KDM4B: variants seen among roughly 807,000 people sequenced by gnomAD.
KDM4B encodes lysine-specific demethylase 4B.
In KDM4B, 32 loss-of-function variants were observed where a neutral mutation model predicts 125.2. The observed-to-expected ratio is 0.26, with a 90% CI of 0.19 to 0.34. The LOEUF (loss-of-function observed/expected upper bound fraction) is 0.34. Among genes scored for constraint, KDM4B ranks in the 10% least tolerant of loss-of-function variants. The pLI is 1.00. For missense variants in KDM4B, 1,190 were observed against 1,577.7 expected (o/e 0.75, Z 4.16); for synonymous variants, 721 against 677.9 (o/e 1.06, Z -0.99).
chr19:4,973,697 A>G (rs1019638954), intron 1 of KDM4B, among the ~76,000 whole-genome samples: 94 of 152,046 alleles, frequency 6.2e-4, no homozygotes, highest in African/African-American at 2.1e-3. Flanking sequence ...GGGTCCGTCT[A>G]TTCCCTCCTG....
At chr19:5,112,826 C>G (rs1486340672) in intron 10 of KDM4B, 3 of 152,480 alleles carry the variant, frequency 2.0e-5, no homozygotes, top group Non-Finnish European at 4.4e-5. Flanking sequence ...CTCCTGTGTG[C>G]TCCTCATGAA....
intron 6 of KDM4B, among the ~76,000 whole-genome samples, chr19:5,048,908 G>C (rs955248119): frequency 6.6e-6 from 1 of 152,206 alleles, no homozygotes; most frequent in Non-Finnish European, 1.5e-5. Flanking sequence ...GAAGCAGGGG[G>C]GTCAGGGACA....
chr19:5,039,372 G>A (rs572809961), intron 3 of KDM4B, among the ~76,000 whole-genome samples: 2 of 152,102 alleles, frequency 1.3e-5, no homozygotes, highest in African/African-American at 2.4e-5. Context: ...GGAGGATCAC[G>A]TGAGTCCAGG....
rs1289991392 is a variant in KDM4B, at chr19:5,141,867, G to A, written c.2551-2100G>A. ...GTCTGGGAGGGGCTTGGGATGGGGG[G>A]AGGCGCCTCCAGGGCAGCAGGAGGG... On this transcript the variant is annotated intron_variant, in intron 18 of 22. Coordinates refer to ENST00000159111, the MANE Select transcript of KDM4B (RefSeq NM_015015.3). The surrounding 1 kb of genome is among the most constrained non-coding windows in gnomAD (Gnocchi z 6.4). Among the ~76,000 whole-genome samples the A allele has an allele frequency of 6.6e-6, 1 of 152,168 alleles. No homozygotes were observed. Among genetic ancestry groups the A allele is most frequent in the Non-Finnish European group, 1.5e-5 (1 of 68,028 alleles).
chr19:4,992,280 C>T (rs192328834), intron 1 of KDM4B, among the ~76,000 whole-genome samples: 47 of 152,182 alleles, frequency 3.1e-4, no homozygotes, highest in Non-Finnish European at 5.4e-4. Context: ...TATTTTTGCT[C>T]GTTATCTTTG....
At position 4,971,032 on chromosome 19, in the gene KDM4B, G is replaced by A. The variant is rs972923973; in HGVS notation, c.-109+1802G>A. On this transcript the variant is annotated intron_variant, in intron 1 of 22. Coordinates refer to ENST00000159111, the MANE Select transcript of KDM4B (RefSeq NM_015015.3). This position sits in a 1 kb window ranked among gnomAD's most constrained non-coding sequence, Gnocchi z 4.1. ...ACAGACGGGTGTCTGTGTACAGGCT[G>A]TTTTGGTGGAAGCGTCTACTGTGTC... is the stretch of plus-strand genomic sequence containing the variant. 6.6e-6 allele frequency among the ~76,000 whole-genome samples: 1 copy of A among 152,188 alleles called. No homozygotes were observed. The highest frequency in any genetic ancestry group is 1.5e-5 in the Non-Finnish European group (1 of 68,028).
At chr19:5,087,969 G>A (rs2038560521) in intron 9 of KDM4B, among the ~76,000 whole-genome samples, 2 of 152,186 alleles carry the variant, frequency 1.3e-5, no homozygotes, top group Non-Finnish European at 2.9e-5. Flanking sequence ...TCCTGTGTAG[G>A]AATCTCACGT....
In KDM4B at chr19:5,047,471, C is replaced by T. The variant is rs769372088; in HGVS notation, c.433-5C>T. 1 of 1,598,124 alleles carries T rather than the reference C, an allele frequency of 6.3e-7. No individual in the cohort carries two copies. The highest frequency in any genetic ancestry group is 1.1e-5 in the South Asian group (1 of 89,936). On this transcript the variant is annotated splice_region_variant and splice_polypyrimidine_tract_variant and intron_variant, in intron 5 of 22. Coordinates refer to ENST00000159111, the MANE Select transcript of KDM4B (RefSeq NM_015015.3). ...GGTTGCCGACGCTGCTCTGCCGCCC[C>T]ACAGGACGTGGCCCAGTGGAACATC...
chr19:5,075,992 T>C, intron 7 of KDM4B: 1 of 168,532 alleles, frequency 5.9e-6, no homozygotes, highest in Non-Finnish European at 1.3e-5. Flanking sequence ...TCACCGTCCC[T>C]GGCTGGTCTG....
At chr19:5,138,921 G>A (rs1406280257) in intron 18 of KDM4B, among the ~76,000 whole-genome samples, 1 of 152,118 alleles carries the variant, frequency 6.6e-6, no homozygotes, top group African/African-American at 2.4e-5. Context: ...ATTCTTCTGC[G>A]ACCGGCTTCT....
chr19:5,108,855 G>T (rs929864201), intron 9 of KDM4B, among the ~76,000 whole-genome samples: 3 of 152,116 alleles, frequency 2.0e-5, no homozygotes, highest in Non-Finnish European at 4.4e-5. Context: ...CCCTGGGCCC[G>T]CCTCTCCCCA....
In KDM4B at chr19:5,010,291, A is replaced by G. The variant is rs568538232; in HGVS notation, c.-108-5966A>G. The stretch of plus-strand genomic sequence containing the variant: ...GCTCTGGACTTTTTAGAAGCATACC[A>G]TAGGGCTCATGCTGCTCCTTCCCTG... On this transcript the variant is annotated intron_variant, in intron 1 of 22. Coordinates refer to ENST00000159111, the MANE Select transcript of KDM4B (RefSeq NM_015015.3). 5.3e-5 allele frequency among the ~76,000 whole-genome samples: 8 copies of G among 152,262 alleles called. No individual in the cohort carries two copies. In the East Asian group the frequency reaches 1.4e-3, roughly 26 times the overall value.
chr19:5,088,513 C>T (rs2038579736), intron 9 of KDM4B, among the ~76,000 whole-genome samples: 1 of 152,154 alleles, frequency 6.6e-6, no homozygotes, highest in South Asian at 2.1e-4. Context: ...GGAGGTTGCC[C>T]CTGCCCACAG....
At chr19:5,031,687 T>C (rs2036464822) in intron 2 of KDM4B, among the ~76,000 whole-genome samples, 1 of 152,180 alleles carries the variant, frequency 6.6e-6, no homozygotes, top group Admixed American at 6.5e-5. Flanking sequence ...CGACCTCGGC[T>C]TTGCTTTTGT....
Position 5,142,342 on chromosome 19 carries a change from G to C in KDM4B, c.2551-1625G>C, listed in dbSNP as rs759366116. Among the ~76,000 whole-genome samples, 10 of 152,158 alleles carry C rather than the reference G, an allele frequency of 6.6e-5. No homozygotes were observed. Among genetic ancestry groups the C allele is most frequent in the Admixed American group, 2.0e-4 (3 of 15,282 alleles). On this transcript the variant is annotated intron_variant, in intron 18 of 22. Coordinates refer to ENST00000159111, the MANE Select transcript of KDM4B (RefSeq NM_015015.3). This position sits in a 1 kb window ranked among gnomAD's most constrained non-coding sequence, Gnocchi z 5.4. Reference sequence around the variant, plus strand: ...AGGTGACGGCCAAGAACGCCTGCCCGACCTCCTGTGGCCACAGCGCGTGGC... The same window carrying C: ...AGGTGACGGCCAAGAACGCCTGCCCCACCTCCTGTGGCCACAGCGCGTGGC...
In KDM4B at chr19:5,092,031, C is replaced by T. The variant is rs547460090; in HGVS notation, c.918+9527C>T. Among the ~76,000 whole-genome samples, 42 of 152,312 alleles carry T rather than the reference C, an allele frequency of 2.8e-4. 1 individual carries two copies. The South Asian group carries it at 8.5e-3, about 31-fold the overall frequency. ...GTGGGCTTAGGGGGTGTCACAGTCA[C>T]GCAGAAGCGTGGGGAGAATCTGCAG... is the stretch of plus-strand genomic sequence containing the variant. On this transcript the variant is annotated intron_variant, in intron 9 of 22. Coordinates refer to ENST00000159111, the MANE Select transcript of KDM4B (RefSeq NM_015015.3).
chr19:5,038,271 A>C (rs2036693814), intron 3 of KDM4B, among the ~76,000 whole-genome samples: 3 of 152,204 alleles, frequency 2.0e-5, no homozygotes, highest in Non-Finnish European at 1.5e-5. Context: ...CCTGGCACCC[A>C]GAAGGCCCGT....
intron 1 of KDM4B, among the ~76,000 whole-genome samples, chr19:4,985,279 G>A (rs578126231): frequency 1.6e-4 from 24 of 152,240 alleles, no homozygotes; most frequent in Admixed American, 4.6e-4. Flanking sequence ...AGCCGAGATC[G>A]CGCCATTGCG....
intron 10 of KDM4B, chr19:5,111,885 A>G: frequency 1.3e-6 from 1 of 753,592 alleles, no homozygotes; most frequent in South Asian, 1.4e-5. Flanking sequence ...CTTTGTTTAC[A>G]GACCCTGAAA....
Sources: allele counts gnomAD v4.1 joint callset (sites outside exome capture counted in the v4.1 genomes callset), GRCh38; gene constraint gnomAD v4.1.1; non-coding constraint Gnocchi (gnomAD v3.1); transcripts MANE v1.5; gene names NCBI Gene and HGNC (gene_info 2026-07-23, HGNC 2026-07-21).